Variants in TMEM63B observed in about 807,000 individuals in gnomAD.
TMEM63B encodes transmembrane protein 63B.
In TMEM63B, 23 loss-of-function variants were observed where a neutral mutation model predicts 102.6. That is an observed-to-expected ratio of 0.22 (90% CI 0.16 to 0.32). The LOEUF (loss-of-function observed/expected upper bound fraction) is 0.32. Ranked by LOEUF, TMEM63B falls within the 10% of genes least tolerant of loss-of-function variation. The pLI is 1.00. For synonymous variants in TMEM63B, 444 were observed against 437.0 expected, an observed-to-expected ratio of 1.02 and a Z score of -0.20; for missense variants, 628 against 1,095.9, an observed-to-expected ratio of 0.57 and a Z score of 6.03.
In TMEM63B at chr6:44,154,925, A is replaced by G; in HGVS notation, c.*42A>G. ...TGGAGGCCACATCCTGCCCCACCCC[A>G]CCCCCACTCCCACGGACACTAAAAC... is the stretch of plus-strand genomic sequence containing the variant. On this transcript the variant is annotated 3_prime_UTR_variant, in exon 24 of 24. Transcript: ENST00000323267. 1 of 1,440,320 alleles carries G rather than the reference A, an allele frequency of 6.9e-7. No individual in the cohort carries two copies. Among genetic ancestry groups the G allele is most frequent in the Non-Finnish European group, 9.2e-7 (1 of 1,089,766 alleles). The allele number at this position is 1,440,320 out of a possible 1,614,324, so 89.2% of individuals were successfully genotyped here.
At chr6:44,140,996 T>C in intron 9 of TMEM63B, 32 bp from the exon 10 acceptor site, 1 of 1,610,814 alleles carries the variant, frequency 6.2e-7, no homozygotes, top group South Asian at 1.1e-5. Flanking sequence ...GGGTCAAGCC[T>C]CAGAAGGCAA....
chr6:44,132,392 G>C, intron 1 of TMEM63B: 1 of 924,984 alleles, frequency 1.1e-6, no homozygotes, highest in South Asian at 5.0e-5. Flanking sequence ...GTGTGGAGAA[G>C]ACAGGAGTTG....
chr6:44,143,882 A>G (rs1764811358), intron 10 of TMEM63B, among the ~76,000 whole-genome samples: 1 of 152,076 alleles, frequency 6.6e-6, no homozygotes, highest in Non-Finnish European at 1.5e-5. Context: ...ACCTGAGTGA[A>G]CCCTACTAGT....
rs573858571 is a variant in TMEM63B at position 44,138,474 on chromosome 6, C to T, written c.370-6C>T. The T allele has an allele frequency of 2.5e-6, 4 of 1,613,972 alleles. No individual in the cohort carries two copies. The South Asian group carries it at 4.4e-5, about 18-fold the overall frequency. ...GACTCCCGCTGACAGCCCTCTGTTCCCCCAGGGTTTCTGTTCCTGGCTGAC... is the reference window on the plus strand; with the variant it reads ...GACTCCCGCTGACAGCCCTCTGTTCTCCCAGGGTTTCTGTTCCTGGCTGAC... On this transcript the variant is annotated splice_polypyrimidine_tract_variant and splice_region_variant and intron_variant, in intron 5 of 23. Transcript: ENST00000323267.
At chr6:44,149,770 A>G (rs1766198705) in intron 15 of TMEM63B, 89 bp from the exon 16 acceptor site, 1 of 1,063,622 alleles carries the variant, frequency 9.4e-7, no homozygotes, top group African/African-American at 1.6e-5. Context: ...TTGTGAGGCC[A>G]AGGGCCCAGC....
chr6:44,151,985 G>A lies in TMEM63B; in HGVS notation c.1813G>A (p.Ala605Thr). Residue 605 changes from alanine to threonine, a missense_variant, in exon 19 of 24, where the codon GCC becomes ACC. By Grantham distance (58) the Ala-to-Thr change is moderately conservative (BLOSUM62 0). Transcript: ENST00000323267. ...MIRLCLARSA[A>T]ERRNVKRHQA... is the part of the protein sequence containing the mutation. The stretch of plus-strand genomic sequence containing the variant: ...CCGGCTCTGCCTGGCGCGCTCGGCC[G>A]CCGAGAGGCGCAACGTGAAGCGGGT... 3.1e-6 allele frequency: 5 copies of A among 1,610,378 alleles called. No homozygotes were observed. Among genetic ancestry groups the A allele is most frequent in the Non-Finnish European group, 4.2e-6 (5 of 1,178,344 alleles).
intron 1 of TMEM63B, among the ~76,000 whole-genome samples, chr6:44,130,412 T>C (rs1417095781): frequency 6.6e-6 from 1 of 152,074 alleles, no homozygotes; most frequent in East Asian, 1.9e-4. Flanking sequence ...ATTTTACTAC[T>C]TTTTTTTCTT....
intron 11 of TMEM63B, 114 bp downstream of exon 11, chr6:44,147,041 T>C (rs557479097): frequency 1.7e-6 from 2 of 1,170,474 alleles, no homozygotes; most frequent in Non-Finnish European, 2.5e-6. Flanking sequence ...CATTTGATTT[T>C]AATTCAACTC....
chr6:44,152,826 C>G lies in TMEM63B; in HGVS notation c.1942+128C>G. On this transcript the variant is annotated intron_variant, in intron 20 of 23. Transcript: ENST00000323267. This position sits in a 1 kb window ranked among gnomAD's most constrained non-coding sequence, Gnocchi z 6.4. ...CTGGGAGACCGGCCCCTCGGGGCTC[C>G]CGCCCGGTCCCTGGCTCAGTCTGGG... The G allele has an allele frequency of 1.4e-6, 1 of 736,038 alleles. No individual in the cohort carries two copies. The highest frequency in any genetic ancestry group is 2.2e-6 in the Non-Finnish European group (1 of 447,274). 45.6% of individuals were successfully genotyped at this position (736,038 alleles called of 1,614,324 possible). A position where few individuals can be genotyped will look rare whatever the true frequency, so the allele number is the denominator to read the frequency against.
intron 1 of TMEM63B, among the ~76,000 whole-genome samples, chr6:44,132,693 C>T (rs537288458): frequency 6.6e-6 from 1 of 150,662 alleles, no homozygotes; most frequent in African/African-American, 2.5e-5. Flanking sequence ...CAACTCCCTT[C>T]ATTTCCGTGG....
chr6:44,147,118 G>A (rs1478375657), intron 11 of TMEM63B, among the ~76,000 whole-genome samples, 191 bp downstream of exon 11: 1 of 152,158 alleles, frequency 6.6e-6, no homozygotes, highest in Non-Finnish European at 1.5e-5. Flanking sequence ...GTTGTGAGGG[G>A]AAGGGGGGCC....
Position 44,148,995 on chromosome 6 carries a change from A to T in TMEM63B, c.1413+50A>T, listed in dbSNP as rs1399626797. ...TTCCACGCTGGGTCACAACACACAG[A>T]TACCAGGCCCTGATCCCTCTTCCAC... On this transcript the variant is annotated intron_variant, in intron 15 of 23. Coordinates refer to ENST00000323267, the MANE Select transcript of TMEM63B (RefSeq NM_018426.3). The surrounding 1 kb of genome is among the most constrained non-coding windows in gnomAD (Gnocchi z 5.1). 6.2e-7 allele frequency: 1 copy of T among 1,613,202 alleles called. No individual in the cohort carries two copies. The highest frequency in any genetic ancestry group is 8.5e-7 in the Non-Finnish European group (1 of 1,179,866).
Position 44,150,507 on chromosome 6 carries a change from C to T in TMEM63B, c.1608-57C>T, listed in dbSNP as rs756369469. 1 of 1,596,280 alleles carries T rather than the reference C, an allele frequency of 6.3e-7. No individual in the cohort carries two copies. The highest frequency in any genetic ancestry group is 8.6e-7 in the Non-Finnish European group (1 of 1,164,352). ...GCTCACAGAGGAGGGACTTCCCCTC[C>T]CCTGGTGTTCTGTACCACTCCAGCT... On this transcript the variant is annotated intron_variant, in intron 17 of 23. Coordinates refer to ENST00000323267, the MANE Select transcript of TMEM63B (RefSeq NM_018426.3). This position sits in a 1 kb window ranked among gnomAD's most constrained non-coding sequence, Gnocchi z 4.7.
At chr6:44,151,791 G>T (rs111427660) in intron 18 of TMEM63B, 55 bp from the exon 19 acceptor site, 32,367 of 1,524,664 alleles carry the variant, frequency 0.021, 435 homozygotes, top group Non-Finnish European at 0.025. Context: ...GGCAGTGGGC[G>T]GGCGGCCACC....
intron 6 of TMEM63B, chr6:44,138,737 C>CCCCCCCCA: frequency 3.0e-6 from 1 of 328,106 alleles, no homozygotes; most frequent in Non-Finnish European, 5.6e-6. Flanking sequence ...CCCCTGCCGG[C>CCCCCCCCA]CCCCCCGCTT....
At position 44,139,606 on chromosome 6, in the gene TMEM63B, C is replaced by T. The variant is rs746122920; in HGVS notation, c.547C>T (p.Leu183=). The T allele has an allele frequency of 6.2e-6, 10 of 1,614,196 alleles. No homozygotes were observed. In the South Asian group the frequency reaches 1.1e-4, roughly 18 times the overall value. ...GCCTGTCAACTTCTCAGGGGACCTG[C>T]TGGGTCAGTGAGGGCCAGGACGGCT... ...VLPVNFSGDL[L]ENNAYSFGRT... Residue 183 remains leucine, a synonymous_variant, in exon 7 of 24, where the codon CTG becomes TTG. Transcript: ENST00000323267.
intron 9 of TMEM63B, among the ~76,000 whole-genome samples, 191 bp from the exon 10 acceptor site, chr6:44,140,837 T>A (rs1764099307): frequency 1.3e-5 from 2 of 152,000 alleles, no homozygotes; most frequent in Admixed American, 1.3e-4. Flanking sequence ...TTGGAAACAC[T>A]CCCCTGCTTT....
At chr6:44,154,662 A>ACCTTGC in intron 23 of TMEM63B, 30 bp from the exon 24 acceptor site, 1 of 1,519,720 alleles carries the variant, frequency 6.6e-7, no homozygotes, top group Non-Finnish European at 8.8e-7. Context: ...GCAGCTGTTC[A>ACCTTGC]CCTTGCCCCC....
intron 15 of TMEM63B, 157 bp downstream of exon 15, chr6:44,149,102 G>A (rs1484584876): frequency 9.0e-7 from 1 of 1,116,310 alleles, no homozygotes; most frequent in East Asian, 2.6e-5. Flanking sequence ...ACTTCCCTTG[G>A]GCTCCCTGCC....
Sources: allele counts gnomAD v4.1 joint callset (sites outside exome capture counted in the v4.1 genomes callset), GRCh38; gene constraint gnomAD v4.1.1; non-coding constraint Gnocchi (gnomAD v3.1); transcripts MANE v1.5; gene names NCBI Gene and HGNC (gene_info 2026-07-23, HGNC 2026-07-21).